The following TM9SF4 variants were observed in gnomAD, a reference collection of about 807,000 sequenced individuals.
The protein encoded by TM9SF4 is dinucleotide oxidase disulfide thiol exchanger 3 superfamily member 4.
TM9SF4 carries 26 observed loss-of-function variants against 90.4 expected under a neutral mutation model. The observed-to-expected ratio is 0.29, with a 90% CI of 0.21 to 0.40. The LOEUF is 0.40. Among genes scored for constraint, TM9SF4 ranks in the 10% least tolerant of loss-of-function variants. The pLI is 1.00. For synonymous variants in TM9SF4, 293 were observed against 315.4 expected, an observed-to-expected ratio of 0.93 and a Z score of 0.75; for missense variants, 549 against 834.8, an observed-to-expected ratio of 0.66 and a Z score of 4.22.
intron 14 of TM9SF4, 51 bp from the exon 15 acceptor site, chr20:32,158,400 G>T (rs2046962180): frequency 6.3e-7 from 1 of 1,592,058 alleles, no homozygotes; most frequent in Non-Finnish European, 8.6e-7. Flanking sequence ...GGAGCTTGGG[G>T]CTTCCTGGTG....
At chr20:32,112,704 A>C (rs1328689587) in intron 1 of TM9SF4, among the ~76,000 whole-genome samples, 7 of 151,008 alleles carry the variant, frequency 4.6e-5, no homozygotes, top group Non-Finnish European at 7.4e-5. Context: ...AAAAAAAAAA[A>C]AAAAACAAAA....
intron 1 of TM9SF4, among the ~76,000 whole-genome samples, chr20:32,117,223 CAAAAAAAAAAAAAAAA>C (rs34453961): frequency 4.4e-5 from 3 of 68,258 alleles, no homozygotes; most frequent in African/African-American, 5.8e-5. Flanking sequence ...GACTCTGTCT[CAAAAAAAAAAAAAAAA>C]AAAAAAAGTG....
At chr20:32,135,680 G>A (rs1418047898) in intron 2 of TM9SF4, among the ~76,000 whole-genome samples, 4 of 152,202 alleles carry the variant, frequency 2.6e-5, no homozygotes, top group African/African-American at 9.6e-5. Flanking sequence ...GCAGGAGAGA[G>A]CTTGACTGAC....
chr20:32,155,681 C>T (rs1453447193), intron 13 of TM9SF4, among the ~76,000 whole-genome samples: 1 of 152,208 alleles, frequency 6.6e-6, no homozygotes, highest in Non-Finnish European at 1.5e-5. Context: ...CCAAGACTCA[C>T]TGAGGAGGAT....
intron 1 of TM9SF4, among the ~76,000 whole-genome samples, chr20:32,124,985 G>A (rs768386605): frequency 2.0e-5 from 3 of 152,202 alleles, no homozygotes; most frequent in Non-Finnish European, 4.4e-5. Flanking sequence ...TTGATAAAAT[G>A]TCAAATATTC....
At position 32,136,145 on chromosome 20, in the gene TM9SF4, C is replaced by T. The variant is rs2046591259; in HGVS notation, c.201C>T (p.Ser67=). The T allele has an allele frequency of 1.2e-6, 2 of 1,614,176 alleles. No individual in the cohort carries two copies. Among genetic ancestry groups the T allele is most frequent in the Non-Finnish European group, 1.7e-6 (2 of 1,180,012 alleles). The change falls in exon 3 of 18, where the codon AGC becomes AGT. Residue 67 remains serine, a synonymous_variant. Transcript: ENST00000398022. The stretch of plus-strand genomic sequence containing the variant: ...ATTCACTGCCCTTCTGCCAGCCCAG[C>T]AAGATAACCTACAAGGCAGAGAATC... ...EYYSLPFCQP[S]KITYKAENLG... is the part of the protein sequence containing the mutation.
In TM9SF4 at chr20:32,133,066, C is replaced by T. The variant is rs766925648; in HGVS notation, c.69C>T (p.Ala23=). Residue 23 remains alanine (A), a synonymous_variant, in exon 2 of 18, where the codon GCC becomes GCT. Transcript: ENST00000398022. ...TCTCCCTGATGTGTGAAACAAGCGC[C>T]TTCTATGTGCCTGGGGTCGCGCCTA... is the stretch of plus-strand genomic sequence containing the variant. The part of the protein sequence containing the change: ...LLFSLMCETS[A]FYVPGVAPIN... 2 of 1,614,178 alleles carry T rather than the reference C, an allele frequency of 1.2e-6. No homozygotes were observed. Among genetic ancestry groups the T allele is most frequent in the Non-Finnish European group, 1.7e-6 (2 of 1,180,028 alleles).
At position 32,161,499 on chromosome 20, in the gene TM9SF4, A is replaced by AC. The variant is rs2047018242; in HGVS notation, c.1779+135dup. The AC allele has an allele frequency of 4.3e-6, 3 of 700,344 alleles. No individual in the cohort carries two copies. The East Asian group carries it at 8.1e-5, about 19-fold the overall frequency. 43.4% of individuals were successfully genotyped at this position (700,344 alleles called of 1,614,324 possible). Reference sequence around the variant, plus strand: ...ATGGGGAGGACCAAAGCCACCTAGAACTGTTCCTGCTCTAGAAGATGGATC... The same window carrying AC: ...ATGGGGAGGACCAAAGCCACCTAGAACCTGTTCCTGCTCTAGAAGATGGATC... On this transcript the variant is annotated intron_variant, in intron 17 of 17. Coordinates refer to ENST00000398022, the MANE Select transcript of TM9SF4 (RefSeq NM_014742.4).
chr20:32,141,928 G>A, intron 5 of TM9SF4, 33 bp downstream of exon 5: 5 of 1,613,230 alleles, frequency 3.1e-6, no homozygotes, highest in Non-Finnish European at 3.4e-6. Context: ...ACAGGACCGG[G>A]AGCCACACCT....
chr20:32,137,205 G>T (rs1224411153), intron 3 of TM9SF4, among the ~76,000 whole-genome samples: 1 of 152,310 alleles, frequency 6.6e-6, no homozygotes, highest in East Asian at 1.9e-4. Context: ...GTGGACCAGT[G>T]CCTGCCTGCC....
intron 12 of TM9SF4, among the ~76,000 whole-genome samples, chr20:32,151,275 C>G (rs2046836445): frequency 6.6e-6 from 1 of 152,158 alleles, no homozygotes; most frequent in South Asian, 2.1e-4. Context: ...TTCCTGTCAG[C>G]CCATTTTCCA....
In TM9SF4 at chr20:32,141,795, G is replaced by A. The variant is rs1286835129; in HGVS notation, c.428G>A (p.Arg143Gln). 12 of 1,614,114 alleles carry A rather than the reference G, an allele frequency of 7.4e-6. No homozygotes were observed. The highest frequency in any genetic ancestry group is 1.1e-5 in the South Asian group (1 of 91,068). Residue 143 changes from arginine to glutamine, a missense_variant, in exon 5 of 18, where the codon CGG (arginine) becomes CAG (glutamine). Arg to Gln is a conservative substitution (Grantham distance 43). Around this residue, in one of 2 missense-constraint regions of TM9SF4, gnomAD observed 495 missense variants for 711.7 expected, o/e 0.70. Transcript: ENST00000398022. ...LIADNLPVATRLELYSNRDSD... is the reference protein window; with the variant it reads ...LIADNLPVATQLELYSNRDSD... Reference sequence around the variant, plus strand: ...GCTGACAACCTGCCTGTGGCCACCCGGCTGGAGCTCTACTCCAACCGAGAC... The same window carrying A: ...GCTGACAACCTGCCTGTGGCCACCCAGCTGGAGCTCTACTCCAACCGAGAC...
intron 12 of TM9SF4, among the ~76,000 whole-genome samples, chr20:32,151,131 C>T (rs2046835092): frequency 6.6e-6 from 1 of 152,060 alleles, no homozygotes; most frequent in African/African-American, 2.4e-5. Context: ...TTTTAGCTGA[C>T]ATTGTCTGAT....
At chr20:32,139,879 T>G (rs2046646662) in intron 3 of TM9SF4, among the ~76,000 whole-genome samples, 1 of 152,250 alleles carries the variant, frequency 6.6e-6, no homozygotes, top group African/African-American at 2.4e-5. Flanking sequence ...ATTTCTTTGC[T>G]CAGTTAACAT....
Position 32,157,826 on chromosome 20 carries a change from C to T in TM9SF4, c.1362C>T (p.Cys454=). The T allele has an allele frequency of 1.9e-6, 3 of 1,614,182 alleles. No homozygotes were observed. Among genetic ancestry groups the T allele is most frequent in the Non-Finnish European group, 2.5e-6 (3 of 1,180,020 alleles). ...VPFPTMVALL[C]MWFGISLPLV... is the part of the protein sequence containing the mutation. ...TTCCCACCATGGTGGCTCTGCTGTGCATGTGGTTCGGGATCTCCCTGCCCC... is the reference window on the plus strand; with the variant it reads ...TTCCCACCATGGTGGCTCTGCTGTGTATGTGGTTCGGGATCTCCCTGCCCC... The change falls in exon 14 of 18, where the codon TGC becomes TGT. Residue 454 remains cysteine, a synonymous_variant. Coordinates refer to ENST00000398022, the MANE Select transcript of TM9SF4 (RefSeq NM_014742.4).
intron 1 of TM9SF4, among the ~76,000 whole-genome samples, chr20:32,122,113 G>A (rs1259352367): frequency 1.0e-4 from 14 of 134,740 alleles, no homozygotes; most frequent in Middle Eastern, 5.1e-3. Flanking sequence ...CCGGGCAGAG[G>A]CGCCCCTCAC....
At chr20:32,155,289 C>T (rs2122457291) in intron 13 of TM9SF4, 103 bp downstream of exon 13, 3 of 1,000,420 alleles carry the variant, frequency 3.0e-6, no homozygotes, top group Middle Eastern at 2.3e-4. Context: ...CTTCCCTTTT[C>T]TGAGTCCCCA....
intron 1 of TM9SF4, among the ~76,000 whole-genome samples, chr20:32,121,677 C>T (rs555158309): frequency 6.6e-6 from 1 of 152,358 alleles, no homozygotes; most frequent in Admixed American, 6.5e-5. Context: ...TTCCACAAAG[C>T]CGCCACTGTC....
At chr20:32,125,246 A>C (rs978214268) in intron 1 of TM9SF4, among the ~76,000 whole-genome samples, 5 of 152,174 alleles carry the variant, frequency 3.3e-5, no homozygotes, top group African/African-American at 1.2e-4. Flanking sequence ...AGCACCTACT[A>C]TGTGCCAAGT....
Sources: gnomAD v4.1 joint callset for allele counts (sites outside exome capture counted in the v4.1 genomes callset) on GRCh38, gnomAD v4.1.1 for gene constraint, gnomAD v4.1.1 regional missense constraint, MANE v1.5 for transcripts, NCBI Gene and HGNC (gene_info 2026-07-23, HGNC 2026-07-21) for gene names.